The following NUP155 variants were observed in gnomAD, a reference collection of about 807,000 sequenced individuals.
The protein encoded by NUP155 is nucleoporin 155.
Under a neutral mutation model 180.4 loss-of-function variants are expected in NUP155, and 71 were observed. That is an observed-to-expected ratio of 0.39 (90% CI 0.33 to 0.48). The LOEUF is 0.48. Among genes scored for constraint, NUP155 ranks in the 20% least tolerant of loss-of-function variants. The pLI, the probability that NUP155 is intolerant of heterozygous loss-of-function variation, is 0.91. For missense variants in NUP155, 1,553 were observed against 1,648.9 expected (o/e 0.94, Z 1.01); for synonymous variants, 582 against 559.5 (o/e 1.04, Z -0.57).
At chr5:37,342,856 C>G (rs986115745) in intron 9 of NUP155, among the ~76,000 whole-genome samples, 1 of 152,084 alleles carries the variant, frequency 6.6e-6, no homozygotes, top group African/African-American at 2.4e-5. Context: ...CCTGCCTCAG[C>G]CTCCTGAGTA....
intron 14 of NUP155, 52 bp from the exon 15 acceptor site, chr5:37,330,184 A>T: frequency 8.0e-7 from 1 of 1,247,396 alleles, no homozygotes; most frequent in Admixed American, 1.9e-5. Flanking sequence ...TTTTAAAATG[A>T]TTTGTGTACT....
Position 37,341,131 on chromosome 5 carries a change from A to G in NUP155, c.1205T>C (p.Val402Ala), listed in dbSNP as rs777206234. Residue 402 changes from valine to alanine, a missense_variant, in exon 11 of 35, where the codon GTG becomes GCG. Coordinates refer to ENST00000231498, the MANE Select transcript of NUP155 (RefSeq NM_153485.3). ...LPPGFSASST[V>A]EKPSKVHRAL... ...TCTATGTACTTTTGAAGGCTTTTCC[A>G]CGGTTGAAGATGCTGAGAATCCAGG... is the stretch of plus-strand genomic sequence containing the variant. 3 of 1,613,968 alleles carry G rather than the reference A, an allele frequency of 1.9e-6. No homozygotes were observed. Among genetic ancestry groups the G allele is most frequent in the South Asian group, 1.1e-5 (1 of 91,076 alleles).
Position 37,365,872 on chromosome 5 carries a change from A to G in NUP155, c.158-1488T>C, listed in dbSNP as rs1747555594. ...TTTAGTGTTTTTCTATCATTTTGCT[A>G]ATCTGAAATGGGAAAATATAAAACT... On this transcript the variant is annotated intron_variant, in intron 1 of 34. Transcript: ENST00000231498. Among the ~76,000 whole-genome samples, 3 of 151,302 alleles carry G rather than the reference A, an allele frequency of 2.0e-5. 1 individual carries two copies. In the South Asian group the frequency reaches 6.3e-4, roughly 32 times the overall value.
intron 4 of NUP155, among the ~76,000 whole-genome samples, chr5:37,356,877 G>A (rs1746861509): frequency 6.6e-6 from 1 of 152,162 alleles, no homozygotes; most frequent in Non-Finnish European, 1.5e-5. Context: ...GGAGGCCAAG[G>A]TAGGCAAATC....
intron 32 of NUP155, 81 bp from the exon 33 acceptor site, chr5:37,294,546 T>C (rs1742417083): frequency 7.4e-7 from 1 of 1,354,598 alleles, no homozygotes; most frequent in South Asian, 1.2e-5. Flanking sequence ...AACTGAATAG[T>C]TTCTAGGGGG....
intron 3 of NUP155, among the ~76,000 whole-genome samples, chr5:37,362,358 G>A (rs1001383786): frequency 2.0e-5 from 3 of 150,944 alleles, no homozygotes; most frequent in African/African-American, 4.9e-5. Context: ...GCGCGATCTC[G>A]GCTCACCACA....
At chr5:37,304,941 C>A in intron 26 of NUP155, 98 bp from the exon 27 acceptor site, 1 of 1,498,396 alleles carries the variant, frequency 6.7e-7, no homozygotes, top group South Asian at 1.1e-5. Flanking sequence ...AATCAAGAAT[C>A]CTTACATGAT....
At chr5:37,364,029 T>C (rs760829193) in intron 2 of NUP155, 45 bp from the exon 3 acceptor site, 111 of 1,415,060 alleles carry the variant, frequency 7.8e-5, no homozygotes, top group Non-Finnish European at 1.1e-4. Flanking sequence ...AATCTTATTC[T>C]TCTTTAACTT....
Position 37,364,302 on chromosome 5 carries a change from C to T in NUP155, c.240G>A (p.Glu80=). The change falls in exon 2 of 35, where the codon GAG becomes GAA. Residue 80 remains glutamate, a synonymous_variant. Coordinates refer to ENST00000231498, the MANE Select transcript of NUP155 (RefSeq NM_153485.3). ...PGLLSVPNLP[E]ISSIRRVPLP... The stretch of plus-strand genomic sequence containing the variant: ...GAGGAACTCTTCGGATGGAACTGAT[C>T]TCTGGAAGGTTGGGTACGGACAGCA... 6.2e-7 allele frequency: 1 copy of T among 1,612,712 alleles called. No homozygotes were observed. Among genetic ancestry groups the T allele is most frequent in the Non-Finnish European group, 8.5e-7 (1 of 1,178,732 alleles).
intron 30 of NUP155, chr5:37,301,103 G>A (rs1291321163): frequency 9.7e-6 from 3 of 307,834 alleles, no homozygotes; most frequent in African/African-American, 2.2e-5. Context: ...GATTACAGGC[G>A]TGAGCCACAG....
At chr5:37,355,079 G>A (rs1055663555) in intron 4 of NUP155, among the ~76,000 whole-genome samples, 1 of 151,168 alleles carries the variant, frequency 6.6e-6, no homozygotes, top group African/African-American at 2.4e-5. Context: ...GCGACAGAAT[G>A]AGACTCCATC....
At position 37,288,558 on chromosome 5, in the gene NUP155, T is replaced by C. The variant is rs1219032300; in HGVS notation, c.*3342A>G. The C allele has an allele frequency of 6.6e-6, 1 of 152,096 alleles. No individual in the cohort carries two copies. Among genetic ancestry groups the C allele is most frequent in the Non-Finnish European group, 1.5e-5 (1 of 68,032 alleles). The allele number at this position is 152,096 out of a possible 1,614,324, so 9.4% of individuals were successfully genotyped here. A position where few individuals can be genotyped will look rare whatever the true frequency, so the allele number is the denominator to read the frequency against. ...TGCCCACAATTAACGCACTGTTTCA[T>C]AGACTATGTTCTACCAATTATACAT... On this transcript the variant is annotated 3_prime_UTR_variant, in exon 35 of 35. Transcript: ENST00000231498.
chr5:37,305,297 G>A (rs1743090869), intron 25 of NUP155, 87 bp from the exon 26 acceptor site: 1 of 1,201,432 alleles, frequency 8.3e-7, no homozygotes, highest in East Asian at 2.4e-5. Flanking sequence ...TGTAATGCCA[G>A]CCATAGGGAA....
In NUP155 at chr5:37,325,971, GAAA is replaced by G; in HGVS notation, c.2025-7_2025-5del. The stretch of plus-strand genomic sequence containing the variant: ...TAAGCTTGCATCCCAAATGTTTCTG[GAAA>G]AAAAAAAGTTTTAATGATTGTGCTG... On this transcript the variant is annotated splice_region_variant and splice_polypyrimidine_tract_variant and intron_variant, in intron 18 of 34. Coordinates refer to ENST00000231498, the MANE Select transcript of NUP155 (RefSeq NM_153485.3). The G allele has an allele frequency of 6.6e-7, 1 of 1,509,436 alleles. No individual in the cohort carries two copies. The highest frequency in any genetic ancestry group is 9.0e-7 in the Non-Finnish European group (1 of 1,107,964). The allele number at this position is 1,509,436 out of a possible 1,614,324, so 93.5% of individuals were successfully genotyped here.
chr5:37,322,020 T>A (rs974101778), intron 20 of NUP155, among the ~76,000 whole-genome samples: 18 of 151,802 alleles, frequency 1.2e-4, no homozygotes, highest in African/African-American at 4.3e-4. Context: ...CACACCTGGC[T>A]AGTTTTGTAT....
intron 21 of NUP155, 114 bp from the exon 22 acceptor site, chr5:37,314,442 T>C (rs1054065881): frequency 1.6e-5 from 12 of 737,282 alleles, no homozygotes; most frequent in Middle Eastern, 3.8e-4. Context: ...TAGCCCCCAT[T>C]ACAGGCAACC....
chr5:37,301,597 C>A, intron 29 of NUP155, 47 bp from the exon 30 acceptor site: 1 of 1,128,584 alleles, frequency 8.9e-7, no homozygotes, highest in South Asian at 1.2e-5. Context: ...TATGATAAAT[C>A]AACATACGTT....
rs1561790382 is a variant in NUP155, at chr5:37,330,848, A to G, written c.1630-716T>C. 5.3e-5 allele frequency among the ~76,000 whole-genome samples: 8 copies of G among 152,210 alleles called. No homozygotes were observed. In the South Asian group the frequency reaches 1.4e-3, roughly 28 times the overall value. On this transcript the variant is annotated intron_variant, in intron 14 of 34. Transcript: ENST00000231498. Reference sequence around the variant, plus strand: ...AAGAAACTCTTACTAGCAGACTTCAATAAGAATTTATCAACAACAGGCCAG... The same window carrying G: ...AAGAAACTCTTACTAGCAGACTTCAGTAAGAATTTATCAACAACAGGCCAG...
chr5:37,310,087 C>T (rs1209968843), intron 23 of NUP155, among the ~76,000 whole-genome samples: 6 of 151,934 alleles, frequency 3.9e-5, no homozygotes, highest in Non-Finnish European at 8.8e-5. Context: ...ACTTATAATC[C>T]CAGCACTATG....
Sources: allele counts gnomAD v4.1 joint callset (sites outside exome capture counted in the v4.1 genomes callset), GRCh38; gene constraint gnomAD v4.1.1; transcripts MANE v1.5; gene names NCBI Gene and HGNC (gene_info 2026-07-23, HGNC 2026-07-21).